MC2R: variants seen among roughly 807,000 people sequenced by gnomAD.
MC2R encodes the protein melanocortin 2 receptor, also known as adrenocorticotropic hormone receptor.
MC2R carries 9 observed loss-of-function variants against 9.8 expected under a neutral mutation model. That is an observed-to-expected ratio of 0.92 (90% CI 0.55 to 1.60). MC2R has a LOEUF of 1.60. Ranked by LOEUF, MC2R falls within the 40% of genes most tolerant of loss-of-function variation. The pLI is 0.00. For synonymous variants in MC2R, 185 were observed against 154.7 expected, an observed-to-expected ratio of 1.20 and a Z score of -1.45; for missense variants, 370 against 389.0, an observed-to-expected ratio of 0.95 and a Z score of 0.41.
chr18:13,904,239 G>A (rs2045398042), intron 1 of MC2R, among the ~76,000 whole-genome samples: 3 of 150,382 alleles, frequency 2.0e-5, no homozygotes, highest in Admixed American at 1.3e-4. Context: ...AACTTAGGCA[G>A]GCGAGGTGGT....
intron 1 of MC2R, among the ~76,000 whole-genome samples, chr18:13,897,240 C>T (rs1275773051): frequency 6.6e-6 from 1 of 152,166 alleles, no homozygotes. Context: ...AAACATTGAA[C>T]TCAGTGGTGT....
chr18:13,913,534 A>T (rs2045458889), intron 1 of MC2R, among the ~76,000 whole-genome samples: 1 of 152,238 alleles, frequency 6.6e-6, no homozygotes, highest in South Asian at 2.1e-4. Flanking sequence ...AACTTACTTT[A>T]AAACCATCTT....
rs549014427 is a variant in MC2R, at chr18:13,887,124, C to T, written c.-128-1478G>A. Among the ~76,000 whole-genome samples the T allele has an allele frequency of 1.5e-4, 23 of 152,054 alleles. 1 individual carries two copies. Among genetic ancestry groups the T allele is most frequent in the East Asian group, 5.8e-4 (3 of 5,154 alleles). On this transcript the variant is annotated intron_variant, in intron 1 of 1. Transcript: ENST00000327606. The stretch of plus-strand genomic sequence containing the variant: ...CACCTTCGTGCCTCCTGCCCAGGCC[C>T]GGGGAAGCCTGTGTGCTGTGTCCCA...
In MC2R at chr18:13,885,384, G is replaced by T; in HGVS notation, c.135C>A (p.Val45=). The change falls in exon 2 of 2, where the codon GTC becomes GTA. Residue 45 remains valine, a synonymous_variant. Coordinates refer to ENST00000327606, the MANE Select transcript of MC2R (RefSeq NM_000529.2). ...TCTTATTCTTGAACACAGCCAGCAG[G>T]ACGATCAGATTCTCCAAAACTCCAA... ...SIVGVLENLI[V]LLAVFKNKNL... The T allele has an allele frequency of 6.2e-7, 1 of 1,614,126 alleles. No homozygotes were observed. The highest frequency in any genetic ancestry group is 1.1e-5 in the South Asian group (1 of 91,078).
At chr18:13,900,791 A>G (rs1216604219) in intron 1 of MC2R, among the ~76,000 whole-genome samples, 3 of 152,272 alleles carry the variant, frequency 2.0e-5, no homozygotes, top group Non-Finnish European at 2.9e-5. Flanking sequence ...CCCCAATACA[A>G]TAATAGCTGG....
At chr18:13,910,072 T>C (rs2045436129) in intron 1 of MC2R, among the ~76,000 whole-genome samples, 1 of 152,256 alleles carries the variant, frequency 6.6e-6, no homozygotes, top group Non-Finnish European at 1.5e-5. Flanking sequence ...AGGTCTATGA[T>C]CATTTGGCGT....
intron 1 of MC2R, among the ~76,000 whole-genome samples, chr18:13,903,778 A>T (rs2045394658): frequency 6.6e-6 from 1 of 152,188 alleles, no homozygotes; most frequent in African/African-American, 2.4e-5. Flanking sequence ...TGATAGTACA[A>T]CAGGGTGACT....
chr18:13,894,408 G>A (rs756811248), intron 1 of MC2R, among the ~76,000 whole-genome samples: 2 of 152,146 alleles, frequency 1.3e-5, no homozygotes, highest in African/African-American at 4.8e-5. Flanking sequence ...TCCAGAAGCA[G>A]CATCAAAGAG....
At chr18:13,897,671 G>A (rs1481613254) in intron 1 of MC2R, among the ~76,000 whole-genome samples, 1 of 151,822 alleles carries the variant, frequency 6.6e-6, no homozygotes, top group East Asian at 1.9e-4. Flanking sequence ...CTTGCATCTT[G>A]GATATCAGCT....
intron 1 of MC2R, among the ~76,000 whole-genome samples, chr18:13,887,542 G>T (rs1302597129): frequency 1.3e-5 from 2 of 152,216 alleles, no homozygotes; most frequent in African/African-American, 4.8e-5. Context: ...AGGGTGCCAG[G>T]TATGTGGTGA....
At chr18:13,889,917 G>T (rs946777249) in intron 1 of MC2R, among the ~76,000 whole-genome samples, 2 of 152,074 alleles carry the variant, frequency 1.3e-5, no homozygotes, top group African/African-American at 2.4e-5. Context: ...CCAAGAGACC[G>T]GTCTAAAGTC....
chr18:13,885,872 T>A (rs2045273142), intron 1 of MC2R, among the ~76,000 whole-genome samples: 1 of 152,186 alleles, frequency 6.6e-6, no homozygotes, highest in African/African-American at 2.4e-5. Context: ...ATGTGGTACA[T>A]ATACACAATG....
At chr18:13,894,130 G>A (rs1471728143) in intron 1 of MC2R, among the ~76,000 whole-genome samples, 1 of 129,714 alleles carries the variant, frequency 7.7e-6, no homozygotes, top group Non-Finnish European at 1.7e-5. Flanking sequence ...ATAGAAGCAT[G>A]TGTGTTTGTG....
intron 1 of MC2R, among the ~76,000 whole-genome samples, chr18:13,912,186 G>T (rs2045448542): frequency 6.6e-6 from 1 of 152,158 alleles, no homozygotes; most frequent in African/African-American, 2.4e-5. Flanking sequence ...TTTTGCCATG[G>T]TTTCTCTTGC....
chr18:13,900,793 A>C (rs936321174), intron 1 of MC2R, among the ~76,000 whole-genome samples: 5 of 152,146 alleles, frequency 3.3e-5, no homozygotes, highest in African/African-American at 1.2e-4. Context: ...CCAATACAAT[A>C]ATAGCTGGAG....
chr18:13,897,100 C>T (rs2045349894), intron 1 of MC2R, among the ~76,000 whole-genome samples: 1 of 152,142 alleles, frequency 6.6e-6, no homozygotes, highest in Admixed American at 6.6e-5. Context: ...CTTCATATTG[C>T]TGAAAGAAGC....
chr18:13,886,766 A>G (rs1393277038), intron 1 of MC2R, among the ~76,000 whole-genome samples: 2 of 152,168 alleles, frequency 1.3e-5, no homozygotes, highest in African/African-American at 2.4e-5. Flanking sequence ...AGCCAGCACC[A>G]CGTGGCGAGG....
rs745875219 is a variant in MC2R, at chr18:13,909,308, G to A, written c.-129+6180C>T. Among the ~76,000 whole-genome samples the A allele has an allele frequency of 1.8e-4, 28 of 152,288 alleles. 1 individual carries two copies. In the Middle Eastern group the frequency reaches 0.01, roughly 55 times the overall value. On this transcript the variant is annotated intron_variant, in intron 1 of 1. Coordinates refer to ENST00000327606, the MANE Select transcript of MC2R (RefSeq NM_000529.2). ...TCATTCTCATTACATCACATCAAGG[G>A]ACACGCTATCAAGGTGACTCATGAC...
At chr18:13,901,454 T>C (rs550559410) in intron 1 of MC2R, among the ~76,000 whole-genome samples, 1 of 151,676 alleles carries the variant, frequency 6.6e-6, no homozygotes, top group African/African-American at 2.4e-5. Flanking sequence ...AAGAAAGAAA[T>C]AGTTGATTTT....
Sources: allele counts gnomAD v4.1 joint callset (sites outside exome capture counted in the v4.1 genomes callset), GRCh38; gene constraint gnomAD v4.1.1; transcripts MANE v1.5; gene names NCBI Gene and HGNC (gene_info 2026-07-23, HGNC 2026-07-21).